DOK5: variants seen among roughly 807,000 people sequenced by gnomAD.
DOK5 encodes the protein docking protein 5.
A neutral mutation model predicts 43.3 loss-of-function variants in DOK5; 27 were observed. The observed-to-expected ratio is 0.62, with a 90% confidence interval of 0.46 to 0.86. The LOEUF is 0.86. DOK5 is among the 40% of genes least tolerant of loss of function. The pLI is 0.00. For missense variants in DOK5, 373 were observed against 392.9 expected (o/e 0.95, Z 0.43); for synonymous variants, 146 against 140.1 (o/e 1.04, Z -0.30).
At chr20:54,546,253 C>A (rs914156661) in intron 1 of DOK5, among the ~76,000 whole-genome samples, 1 of 152,110 alleles carries the variant, frequency 6.6e-6, no homozygotes, top group African/African-American at 2.4e-5. Context: ...TTCCACAGTG[C>A]GCAGAAAAAG....
chr20:54,588,206 C>A (rs971903360), intron 2 of DOK5, among the ~76,000 whole-genome samples: 2 of 152,032 alleles, frequency 1.3e-5, no homozygotes, highest in African/African-American at 4.8e-5. Context: ...AAAAGAAAAA[C>A]CAAAATGTTC....
intron 6 of DOK5, among the ~76,000 whole-genome samples, chr20:54,635,014 G>A (rs1029917905): frequency 6.6e-6 from 1 of 152,122 alleles, no homozygotes; most frequent in African/African-American, 2.4e-5. Flanking sequence ...TCTCTGCTAA[G>A]GACATTCAAA....
At chr20:54,540,006 G>A (rs1984094392) in intron 1 of DOK5, among the ~76,000 whole-genome samples, 1 of 152,202 alleles carries the variant, frequency 6.6e-6, no homozygotes, top group Non-Finnish European at 1.5e-5. Flanking sequence ...TATGAGTGAA[G>A]TAGGAAGTGG....
rs575772331 is a variant in DOK5 at position 54,608,059 on chromosome 20, A to T, written c.600-2329A>T. Among the ~76,000 whole-genome samples, 5 of 152,326 alleles carry T rather than the reference A, an allele frequency of 3.3e-5. No homozygotes were observed. In the South Asian group the frequency reaches 1.0e-3, roughly 32 times the overall value. On this transcript the variant is annotated intron_variant, in intron 5 of 7. Transcript: ENST00000262593. ...AATAATAGCATGTTATAGATTGATG[A>T]TAGATTGATAGGTATACTGGCTAAA...
At chr20:54,573,557 C>T (rs765848982) in intron 2 of DOK5, among the ~76,000 whole-genome samples, 39 of 151,784 alleles carry the variant, frequency 2.6e-4, no homozygotes, top group Non-Finnish European at 4.3e-4. Flanking sequence ...TGTGGTGGCA[C>T]ATGCGTGTAT....
intron 1 of DOK5, among the ~76,000 whole-genome samples, chr20:54,496,936 T>C (rs184106395): frequency 6.6e-6 from 1 of 152,256 alleles, no homozygotes; most frequent in Admixed American, 6.5e-5. Flanking sequence ...AACCACATTT[T>C]TAAGCTGTAA....
chr20:54,480,902 C>CATCTATCT (rs201469324), intron 1 of DOK5, among the ~76,000 whole-genome samples: 4 of 134,984 alleles, frequency 3.0e-5, no homozygotes, highest in African/African-American at 1.3e-4. Flanking sequence ...TTAAGGCCTC[C>CATCTATCT]ATCTATCTAT....
intron 2 of DOK5, chr20:54,555,357 C>T: frequency 5.1e-6 from 1 of 196,940 alleles, no homozygotes; most frequent in Non-Finnish European, 1.0e-5. Flanking sequence ...GTGTCTCAGA[C>T]ACTGCCTGAT....
intron 1 of DOK5, among the ~76,000 whole-genome samples, chr20:54,490,970 G>A (rs1284223602): frequency 6.6e-6 from 1 of 152,146 alleles, no homozygotes; most frequent in Admixed American, 6.5e-5. Context: ...CCATGTCTTT[G>A]CCATCTCACG....
In DOK5 at chr20:54,596,170, C is replaced by T. The variant is rs1339441115; in HGVS notation, c.599+4365C>T. On this transcript the variant is annotated intron_variant, in intron 5 of 7. Coordinates refer to ENST00000262593, the MANE Select transcript of DOK5 (RefSeq NM_018431.5). The stretch of plus-strand genomic sequence containing the variant: ...CAGGATAATAAGATCATTCGTGTTC[C>T]ACACCAAGCGTGAAGGTTTCATGTC... Among the ~76,000 whole-genome samples, 3 of 152,144 alleles carry T rather than the reference C, an allele frequency of 2.0e-5. No individual in the cohort carries two copies. In the East Asian group the frequency reaches 5.8e-4, roughly 29 times the overall value.
intron 2 of DOK5, among the ~76,000 whole-genome samples, chr20:54,561,294 T>A (rs1489842074): frequency 6.6e-6 from 1 of 152,210 alleles, no homozygotes; most frequent in Non-Finnish European, 1.5e-5. Context: ...TGATCCCTTC[T>A]TCTTTGGTAA....
intron 1 of DOK5, among the ~76,000 whole-genome samples, chr20:54,492,864 G>A (rs1164810750): frequency 6.6e-6 from 1 of 151,868 alleles, no homozygotes; most frequent in African/African-American, 2.4e-5. Flanking sequence ...GATCAGCCTG[G>A]CTAACATAGT....
chr20:54,528,990 G>A (rs945512390), intron 1 of DOK5, among the ~76,000 whole-genome samples: 37 of 152,184 alleles, frequency 2.4e-4, no homozygotes, highest in Admixed American at 2.4e-3. Flanking sequence ...TGATGTTAAA[G>A]CATCTTTGCA....
intron 1 of DOK5, among the ~76,000 whole-genome samples, chr20:54,541,831 T>C (rs1316272174): frequency 1.3e-5 from 2 of 152,150 alleles, no homozygotes; most frequent in Non-Finnish European, 2.9e-5. Flanking sequence ...ATCTTCAAGC[T>C]TCTTTATTCT....
intron 2 of DOK5, among the ~76,000 whole-genome samples, chr20:54,566,080 T>C (rs1006709930): frequency 5.3e-5 from 8 of 150,360 alleles, no homozygotes; most frequent in Admixed American, 4.6e-4. Context: ...TGCCCTTTCA[T>C]AATCACATCC....
At chr20:54,644,780 A>G (rs1051510446) in intron 7 of DOK5, among the ~76,000 whole-genome samples, 2 of 151,534 alleles carry the variant, frequency 1.3e-5, no homozygotes, top group African/African-American at 2.4e-5. Context: ...AGTCAGGGGA[A>G]TCACCTGAAC....
intron 1 of DOK5, among the ~76,000 whole-genome samples, chr20:54,487,716 C>T (rs1568749918): frequency 6.6e-6 from 1 of 152,082 alleles, no homozygotes; most frequent in South Asian, 2.1e-4. Context: ...CCCATGTACC[C>T]AATACCATCC....
chr20:54,631,968 C>T (rs1005106969), intron 6 of DOK5, among the ~76,000 whole-genome samples: 2 of 152,142 alleles, frequency 1.3e-5, no homozygotes, highest in Non-Finnish European at 2.9e-5. Flanking sequence ...AAGACTCCGT[C>T]TCAAAAACAA....
At chr20:54,584,509 C>A (rs1271331091) in intron 2 of DOK5, among the ~76,000 whole-genome samples, 1 of 151,428 alleles carries the variant, frequency 6.6e-6, no homozygotes, top group Non-Finnish European at 1.5e-5. Flanking sequence ...ATTATGTATC[C>A]ATTAACATAA....
Sources: gnomAD v4.1 joint callset for allele counts (sites outside exome capture counted in the v4.1 genomes callset) on GRCh38, gnomAD v4.1.1 for gene constraint, MANE v1.5 for transcripts, NCBI Gene and HGNC (gene_info 2026-07-23, HGNC 2026-07-21) for gene names.